SLC8A1: variants seen among roughly 807,000 people sequenced by gnomAD.
SLC8A1 encodes sodium/calcium exchanger 1.
SLC8A1 carries 18 observed loss-of-function variants against 68.3 expected under a neutral mutation model. That is an observed-to-expected ratio of 0.26 (90% CI 0.18 to 0.39). SLC8A1 has a LOEUF of 0.39. Among genes scored for constraint, SLC8A1 ranks in the 10% least tolerant of loss-of-function variants. SLC8A1 has a pLI of 1.00. For missense variants in SLC8A1, 985 were observed against 1,156.7 expected (o/e 0.85, Z 2.15); for synonymous variants, 475 against 415.5 (o/e 1.14, Z -1.74).
chr2:40,496,687 T>C (rs1410270010), intron 1 of SLC8A1, among the ~76,000 whole-genome samples: 1 of 151,968 alleles, frequency 6.6e-6, no homozygotes, highest in South Asian at 2.1e-4. Flanking sequence ...GTTTGTATAG[T>C]CCTTACAATA....
At chr2:40,276,244 C>T (rs534645980) in intron 2 of SLC8A1, among the ~76,000 whole-genome samples, 1 of 152,222 alleles carries the variant, frequency 6.6e-6, no homozygotes, top group South Asian at 2.1e-4. Flanking sequence ...GACAGAGGAC[C>T]TTCTGATGTG....
chr2:40,480,483 T>C (rs1704560376), intron 1 of SLC8A1, among the ~76,000 whole-genome samples: 2 of 152,308 alleles, frequency 1.3e-5, no homozygotes, highest in South Asian at 4.1e-4. Flanking sequence ...AGATACGGAG[T>C]TTGCTGGCAT....
chr2:40,142,354 CG>C (rs2041730315), intron 6 of SLC8A1, among the ~76,000 whole-genome samples: 1 of 148,588 alleles, frequency 6.7e-6, no homozygotes, highest in Non-Finnish European at 1.5e-5. Flanking sequence ...CCATTCCAGC[CG>C]GGGCTGAGAA....
At chr2:40,311,147 G>C (rs2073593284) in intron 2 of SLC8A1, among the ~76,000 whole-genome samples, 1 of 151,938 alleles carries the variant, frequency 6.6e-6, no homozygotes, top group Non-Finnish European at 1.5e-5. Flanking sequence ...AAATGAATGA[G>C]GTCCCCAACA....
At chr2:40,364,927 G>A (rs1489569524) in intron 2 of SLC8A1, among the ~76,000 whole-genome samples, 5 of 151,682 alleles carry the variant, frequency 3.3e-5, no homozygotes, top group African/African-American at 4.8e-5. Flanking sequence ...GGTAACAGAT[G>A]GAAGACAAAA....
intron 2 of SLC8A1, among the ~76,000 whole-genome samples, chr2:40,268,888 T>C (rs2065685606): frequency 6.6e-6 from 1 of 152,178 alleles, no homozygotes; most frequent in African/African-American, 2.4e-5. Context: ...TAAAAGCTAT[T>C]AACCTCTCAA....
At chr2:40,494,019 T>TG (rs1705513702) in intron 1 of SLC8A1, among the ~76,000 whole-genome samples, 1 of 151,984 alleles carries the variant, frequency 6.6e-6, no homozygotes, top group African/African-American at 2.4e-5. Context: ...ATAAACTTTT[T>TG]TTTTTCCTTA....
intron 2 of SLC8A1, among the ~76,000 whole-genome samples, chr2:40,316,278 G>A (rs2074434366): frequency 1.3e-5 from 2 of 152,010 alleles, no homozygotes; most frequent in African/African-American, 4.8e-5. Flanking sequence ...GAGAAGGCTT[G>A]CAACTTGGAT....
intron 2 of SLC8A1, among the ~76,000 whole-genome samples, chr2:40,349,882 T>C (rs1670518869): frequency 6.6e-6 from 1 of 152,180 alleles, no homozygotes; most frequent in African/African-American, 2.4e-5. Context: ...TATTTATCCA[T>C]AAATATAACA....
chr2:40,324,284 A>C (rs1023772026), intron 2 of SLC8A1, among the ~76,000 whole-genome samples: 1 of 152,188 alleles, frequency 6.6e-6, no homozygotes, highest in African/African-American at 2.4e-5. Flanking sequence ...AAGGGCTTAC[A>C]TTTTTAAAGA....
At chr2:40,118,098 G>A (rs2035890786) in intron 7 of SLC8A1, among the ~76,000 whole-genome samples, 2 of 152,178 alleles carry the variant, frequency 1.3e-5, no homozygotes, top group Admixed American at 6.5e-5. Flanking sequence ...CAGGCAACGT[G>A]TGTATTCTCA....
intron 2 of SLC8A1, among the ~76,000 whole-genome samples, chr2:40,398,248 C>A (rs938226208): frequency 2.0e-5 from 3 of 152,156 alleles, no homozygotes; most frequent in Non-Finnish European, 4.4e-5. Flanking sequence ...ATTCCTCTTG[C>A]TGATCTGGCC....
intron 7 of SLC8A1, among the ~76,000 whole-genome samples, chr2:40,137,848 G>C (rs1429268873): frequency 6.6e-6 from 1 of 151,990 alleles, no homozygotes; most frequent in East Asian, 1.9e-4. Flanking sequence ...TCCCTTAATT[G>C]GTTACCAGAA....
chr2:40,195,987 G>C (rs548360997), intron 2 of SLC8A1: 1 of 151,748 alleles, frequency 6.6e-6, no homozygotes, highest in Admixed American at 6.6e-5. Context: ...AGAGGGGTGA[G>C]TTACAGGAAG....
At chr2:40,280,975 C>G (rs2149185282) in intron 2 of SLC8A1, among the ~76,000 whole-genome samples, 1 of 152,322 alleles carries the variant, frequency 6.6e-6, no homozygotes, top group East Asian at 1.9e-4. Context: ...ATTTTTATTG[C>G]TTATCTTTCC....
intron 3 of SLC8A1, among the ~76,000 whole-genome samples, chr2:40,176,770 CATT>C (rs1183593258): frequency 6.6e-6 from 1 of 152,178 alleles, no homozygotes; most frequent in East Asian, 1.9e-4. Flanking sequence ...TGGCCCATCT[CATT>C]ATATCATACT....
intron 1 of SLC8A1, among the ~76,000 whole-genome samples, chr2:40,490,194 G>C (rs142048895): frequency 6.6e-6 from 1 of 152,042 alleles, no homozygotes; most frequent in Non-Finnish European, 1.5e-5. Flanking sequence ...ATACAATCAC[G>C]TATTTATAAG....
chr2:40,177,918 T>C, intron 2 of SLC8A1: 1 of 1,047,210 alleles, frequency 9.5e-7, no homozygotes, highest in Non-Finnish European at 1.5e-6. Flanking sequence ...GCTCTTGGTG[T>C]CCACCAAGCT....
intron 1 of SLC8A1, among the ~76,000 whole-genome samples, chr2:40,466,239 G>A (rs1339591303): frequency 1.3e-5 from 2 of 152,146 alleles, no homozygotes; most frequent in Admixed American, 6.6e-5. Context: ...CAGGGGTTGG[G>A]AAAGAAATTT....
Sources: gnomAD v4.1 joint callset for allele counts (sites outside exome capture counted in the v4.1 genomes callset) on GRCh38, gnomAD v4.1.1 for gene constraint, MANE v1.5 for transcripts, NCBI Gene and HGNC (gene_info 2026-07-23, HGNC 2026-07-21) for gene names.